The following CDH18 variants were observed in gnomAD, a reference collection of about 807,000 sequenced individuals.
CDH18 encodes cadherin 18, also known as cadherin-18.
A neutral mutation model predicts 67.9 loss-of-function variants in CDH18; 31 were observed. The observed-to-expected ratio is 0.46, with a 90% CI of 0.34 to 0.62. The LOEUF (loss-of-function observed/expected upper bound fraction) is 0.62, where lower values mean the gene tolerates loss of function less well. Ranked by LOEUF, CDH18 falls within the 20% of genes least tolerant of loss-of-function variation. The probability of loss-of-function intolerance (pLI) is 0.01; values close to 1 mark genes in which losing one functional copy is unlikely to be tolerated. For synonymous variants in CDH18, 362 were observed against 347.2 expected, an observed-to-expected ratio of 1.04 and a Z score of -0.48; for missense variants, 890 against 975.5, an observed-to-expected ratio of 0.91 and a Z score of 1.17.
intron 1 of CDH18, among the ~76,000 whole-genome samples, chr5:20,351,106 A>T (rs1438909150): frequency 6.6e-6 from 1 of 151,512 alleles, no homozygotes; most frequent in Non-Finnish European, 1.5e-5. Flanking sequence ...TCCTTTTACC[A>T]TGACTATCTC....
At chr5:20,374,203 C>A (rs923137324) in intron 1 of CDH18, among the ~76,000 whole-genome samples, 13 of 152,144 alleles carry the variant, frequency 8.5e-5, no homozygotes, top group African/African-American at 2.7e-4. Context: ...TGTTCCCCAA[C>A]CACTACACCC....
intron 2 of CDH18, among the ~76,000 whole-genome samples, chr5:19,903,354 A>G (rs993566739): frequency 5.9e-5 from 9 of 151,598 alleles, no homozygotes; most frequent in Non-Finnish European, 1.0e-4. Context: ...TAGGTTATTA[A>G]CCTTACCACT....
intron 1 of CDH18, among the ~76,000 whole-genome samples, chr5:20,499,089 A>T (rs1319852505): frequency 6.6e-6 from 1 of 151,866 alleles, no homozygotes. Flanking sequence ...GCTGTGAACA[A>T]ACTAAACTAT....
At chr5:20,185,695 C>G (rs998237983) in intron 2 of CDH18, among the ~76,000 whole-genome samples, 2 of 151,928 alleles carry the variant, frequency 1.3e-5, no homozygotes, top group African/African-American at 4.8e-5. Flanking sequence ...AAGAAGATAC[C>G]TCCTGTGACT....
chr5:20,304,285 C>T (rs1561954935), intron 1 of CDH18: 15 of 1,602,938 alleles, frequency 9.4e-6, no homozygotes, highest in Admixed American at 1.7e-5. Context: ...GCTGTGTCTT[C>T]TGATTTGCTG....
At chr5:20,004,576 CAGTA>C (rs369066404) in intron 2 of CDH18, among the ~76,000 whole-genome samples, 262 of 152,160 alleles carry the variant, frequency 1.7e-3, no homozygotes, top group African/African-American at 6.1e-3. Flanking sequence ...GAAACTTAAG[CAGTA>C]ATGAAGATAT....
chr5:20,130,194 G>T (rs1335336352), intron 2 of CDH18, among the ~76,000 whole-genome samples: 1 of 151,610 alleles, frequency 6.6e-6, no homozygotes, highest in Non-Finnish European at 1.5e-5. Context: ...GTATACTACA[G>T]TTCTTCCCCT....
intron 1 of CDH18, among the ~76,000 whole-genome samples, chr5:20,573,495 G>C (rs960436836): frequency 4.0e-5 from 6 of 151,592 alleles, no homozygotes; most frequent in Non-Finnish European, 7.4e-5. Flanking sequence ...ACTTAAAAAT[G>C]AGTAGAAGAA....
At chr5:20,162,655 A>T (rs1392089663) in intron 2 of CDH18, among the ~76,000 whole-genome samples, 1 of 151,330 alleles carries the variant, frequency 6.6e-6, no homozygotes, top group Non-Finnish European at 1.5e-5. Context: ...CTTAGTGGTT[A>T]TCATACACTT....
intron 2 of CDH18, among the ~76,000 whole-genome samples, chr5:20,216,289 T>G (rs969529447): frequency 6.6e-6 from 1 of 151,934 alleles, no homozygotes; most frequent in Non-Finnish European, 1.5e-5. Flanking sequence ...CCAAAAGACT[T>G]GCCCAATGCA....
At chr5:20,430,358 A>T (rs1306836830) in intron 1 of CDH18, among the ~76,000 whole-genome samples, 1 of 152,132 alleles carries the variant, frequency 6.6e-6, no homozygotes, top group Non-Finnish European at 1.5e-5. Flanking sequence ...TCATTCACAG[A>T]TAGGTAAACT....
intron 1 of CDH18, among the ~76,000 whole-genome samples, chr5:20,276,175 G>A (rs573400422): frequency 2.0e-5 from 3 of 152,324 alleles, no homozygotes; most frequent in South Asian, 4.1e-4. Context: ...TGAACATGGG[G>A]GACAAGTGAC....
intron 1 of CDH18, among the ~76,000 whole-genome samples, chr5:20,507,411 T>C (rs1314998158): frequency 6.6e-6 from 1 of 152,206 alleles, no homozygotes; most frequent in Admixed American, 6.5e-5. Flanking sequence ...GTCTTTCCTA[T>C]TGATAGAGAT....
chr5:19,618,308 T>A (rs963778152), intron 5 of CDH18, among the ~76,000 whole-genome samples: 1 of 151,692 alleles, frequency 6.6e-6, no homozygotes, highest in Non-Finnish European at 1.5e-5. Context: ...CGGGTTCAAG[T>A]GATTCCCCTG....
chr5:19,762,792 T>C (rs1041485180), intron 3 of CDH18, among the ~76,000 whole-genome samples: 14 of 152,238 alleles, frequency 9.2e-5, no homozygotes, highest in African/African-American at 3.4e-4. Flanking sequence ...TAAAGACACA[T>C]GCACACGTAT....
chr5:19,693,275 C>A (rs777965471), intron 5 of CDH18, among the ~76,000 whole-genome samples: 26 of 152,024 alleles, frequency 1.7e-4, no homozygotes, highest in African/African-American at 4.8e-5. Flanking sequence ...TCAATCTTCA[C>A]TTTTAGAATT....
chr5:19,755,927 A>G (rs543393228), intron 3 of CDH18, among the ~76,000 whole-genome samples: 16 of 152,214 alleles, frequency 1.1e-4, no homozygotes, highest in African/African-American at 3.9e-4. Context: ...TTCAAAGGTT[A>G]ATCTCTTTTG....
chr5:19,552,116 T>G (rs1213249567), intron 8 of CDH18, among the ~76,000 whole-genome samples: 1 of 152,182 alleles, frequency 6.6e-6, no homozygotes, highest in Non-Finnish European at 1.5e-5. Context: ...CAGGCCAGTA[T>G]GTTTTCATAT....
At chr5:19,912,591 AAG>A (rs1298048689) in intron 2 of CDH18, among the ~76,000 whole-genome samples, 1 of 152,186 alleles carries the variant, frequency 6.6e-6, no homozygotes, top group Non-Finnish European at 1.5e-5. Flanking sequence ...AGTGAAGAAG[AAG>A]AGTTTATTTA....
Sources: allele counts gnomAD v4.1 joint callset (sites outside exome capture counted in the v4.1 genomes callset), GRCh38; gene constraint gnomAD v4.1.1; transcripts MANE v1.5; gene names NCBI Gene and HGNC (gene_info 2026-07-23, HGNC 2026-07-21).